Variants in THADA observed in about 807,000 individuals in gnomAD.
THADA encodes the protein THADA armadillo repeat containing, also known as tRNA (32-2'-O)-methyltransferase regulator THADA.
In THADA, 213 loss-of-function variants were observed where a neutral mutation model predicts 219.8. The ratio of observed to expected loss-of-function variants is 0.97; its 90% CI spans 0.87 to 1.09. The LOEUF is 1.09. Ranked by LOEUF, THADA falls within the 50% of genes least tolerant of loss-of-function variation. The pLI is 0.00. For missense variants in THADA, 2,956 were observed against 2,311.3 expected (o/e 1.28, Z -5.72); for synonymous variants, 1,018 against 828.9 (o/e 1.23, Z -3.92).
intron 14 of THADA, among the ~76,000 whole-genome samples, chr2:43,569,431 T>C (rs1301187514): frequency 3.3e-5 from 5 of 152,216 alleles, no homozygotes; most frequent in African/African-American, 1.2e-4. Context: ...TAATTCTGCT[T>C]ATAGTTGACG....
intron 28 of THADA, among the ~76,000 whole-genome samples, chr2:43,426,515 C>T (rs148660121): frequency 2.0e-5 from 3 of 152,310 alleles, no homozygotes; most frequent in African/African-American, 4.8e-5. Flanking sequence ...AAATTTACCA[C>T]CCAAATTCCT....
At chr2:43,590,642 C>G (rs1372520084) in intron 4 of THADA, among the ~76,000 whole-genome samples, 182 bp downstream of exon 4, 6 of 118,446 alleles carry the variant, frequency 5.1e-5, no homozygotes, top group African/African-American at 3.2e-5. Context: ...TAGACTCCGT[C>G]TCAAAAAAAA....
intron 29 of THADA, among the ~76,000 whole-genome samples, chr2:43,377,825 C>T (rs374452332): frequency 6.6e-6 from 1 of 152,066 alleles, no homozygotes; most frequent in African/African-American, 2.4e-5. Context: ...CAGGGGACTG[C>T]CAGGAAAAAC....
chr2:43,472,060 C>T (rs1312739722), intron 26 of THADA, among the ~76,000 whole-genome samples: 4 of 152,090 alleles, frequency 2.6e-5, no homozygotes, highest in Non-Finnish European at 2.9e-5. Context: ...CCTGAAAAAC[C>T]GTTAAACTTC....
intron 26 of THADA, among the ~76,000 whole-genome samples, chr2:43,431,355 T>A (rs1679247896): frequency 6.6e-6 from 1 of 152,164 alleles, no homozygotes; most frequent in Non-Finnish European, 1.5e-5. Flanking sequence ...AGATCCCCCA[T>A]GCCCCTTCCC....
chr2:43,568,792 C>A (rs1001889604), intron 14 of THADA, among the ~76,000 whole-genome samples: 2 of 152,086 alleles, frequency 1.3e-5, no homozygotes, highest in African/African-American at 4.8e-5. Flanking sequence ...CCTGTAATCC[C>A]AGCACTTTGG....
chr2:43,482,853 T>C (rs1260960348), intron 26 of THADA, among the ~76,000 whole-genome samples: 2 of 152,126 alleles, frequency 1.3e-5, no homozygotes, highest in African/African-American at 4.8e-5. Flanking sequence ...TTAAAGAAAA[T>C]GAACTTCTAA....
intron 26 of THADA, among the ~76,000 whole-genome samples, chr2:43,449,094 C>T (rs567108851): frequency 1.3e-5 from 2 of 151,854 alleles, no homozygotes; most frequent in African/African-American, 2.4e-5. Context: ...GAAAATGATA[C>T]ATGAACAAAA....
intron 31 of THADA, among the ~76,000 whole-genome samples, chr2:43,305,385 C>T (rs41382648): frequency 0.19 from 28,924 of 152,032 alleles, 3,799 homozygotes; most frequent in African/African-American, 0.37. Context: ...TGGAAACTAA[C>T]TTTGTCTCAC....
chr2:43,475,419 T>A (rs867990442), intron 26 of THADA, among the ~76,000 whole-genome samples: 1 of 128,336 alleles, frequency 7.8e-6, no homozygotes, highest in Non-Finnish European at 1.6e-5. Flanking sequence ...CTAGGCCCTG[T>A]CTTAAAAAAA....
chr2:43,495,367 T>G lies in THADA; in HGVS notation c.3744+3466A>C, dbSNP rs1399605721. Among the ~76,000 whole-genome samples, 6 of 152,214 alleles carry G rather than the reference T, an allele frequency of 3.9e-5. No individual in the cohort carries two copies. In the East Asian group the frequency reaches 1.2e-3, roughly 29 times the overall value. Reference sequence around the variant, plus strand: ...GGAAGATCCCAAGAAATAAAATTATTAGTATTATGAAATTAGAAAGAAAAT... The same window carrying G: ...GGAAGATCCCAAGAAATAAAATTATGAGTATTATGAAATTAGAAAGAAAAT... On this transcript the variant is annotated intron_variant, in intron 25 of 37. Transcript: ENST00000405975.
At position 43,505,673 on chromosome 2, in the gene THADA, C is replaced by T; in HGVS notation, c.3570G>A (p.Glu1190=). ...RMDLLKITMK[E]LISLAGPTDD... The stretch of plus-strand genomic sequence containing the variant: ...CTGTAGGCCCAGCCAAAGAGATTAA[C>T]TCTTTCATTGTTATTTTCAACAAAT... Residue 1190 remains glutamate (E), a synonymous_variant, in exon 24 of 38, where the codon GAG becomes GAA. Transcript: ENST00000405975. 6.3e-7 allele frequency: 1 copy of T among 1,597,378 alleles called. No homozygotes were observed.
At chr2:43,469,940 G>A (rs1320032931) in intron 26 of THADA, among the ~76,000 whole-genome samples, 1 of 152,174 alleles carries the variant, frequency 6.6e-6, no homozygotes, top group African/African-American at 2.4e-5. Flanking sequence ...AGGGCCGGGT[G>A]TGGCTCATGC....
chr2:43,429,619 A>C (rs73925510), intron 27 of THADA, among the ~76,000 whole-genome samples: 2,557 of 152,216 alleles, frequency 0.017, 84 homozygotes, highest in African/African-American at 0.059. Flanking sequence ...TGCATAAAGC[A>C]AACTCAATAT....
chr2:43,314,661 T>C lies in THADA; in HGVS notation c.4438+5785A>G, dbSNP rs148709219. ...CTCGTCTCCATGTCGCTGCCCAGCCTGAGACCCAGCCCTCTGAGTCCTTGT... is the reference window on the plus strand; with the variant it reads ...CTCGTCTCCATGTCGCTGCCCAGCCCGAGACCCAGCCCTCTGAGTCCTTGT... On this transcript the variant is annotated intron_variant, in intron 31 of 37. Coordinates refer to ENST00000405975, the MANE Select transcript of THADA (RefSeq NM_022065.5). Among the ~76,000 whole-genome samples the C allele has an allele frequency of 4.0e-3, 612 of 152,352 alleles. 6 individuals carry two copies. The highest frequency in any genetic ancestry group is 0.014 in the African/African-American group (586 of 41,586).
intron 26 of THADA, among the ~76,000 whole-genome samples, chr2:43,447,891 C>A (rs936571530): frequency 6.6e-6 from 1 of 152,192 alleles, no homozygotes. Flanking sequence ...TTGCATATAT[C>A]CCAATTTACA....
chr2:43,592,450 A>G, intron 1 of THADA, 34 bp from the exon 2 acceptor site: 1 of 1,277,980 alleles, frequency 7.8e-7, no homozygotes, highest in Non-Finnish European at 1.1e-6. Flanking sequence ...CATTAATGTA[A>G]GGTTTCTCAA....
At chr2:43,490,709 A>T (rs1392110191) in intron 25 of THADA, among the ~76,000 whole-genome samples, 1 of 152,122 alleles carries the variant, frequency 6.6e-6, no homozygotes, top group Non-Finnish European at 1.5e-5. Flanking sequence ...ACATTCACTT[A>T]ACTTTTATTA....
chr2:43,549,097 T>C, intron 20 of THADA, 113 bp downstream of exon 20: 7 of 985,810 alleles, frequency 7.1e-6, no homozygotes, highest in Non-Finnish European at 6.9e-6. Flanking sequence ...CTTTATTTTC[T>C]AGAAATGTTC....
Sources: gnomAD v4.1 joint callset for allele counts (sites outside exome capture counted in the v4.1 genomes callset) on GRCh38, gnomAD v4.1.1 for gene constraint, MANE v1.5 for transcripts, NCBI Gene and HGNC (gene_info 2026-07-23, HGNC 2026-07-21) for gene names.